CPQ: variants seen among roughly 807,000 people sequenced by gnomAD.
CPQ encodes the protein Ser-Met dipeptidase.
CPQ carries 37 observed loss-of-function variants against 45.7 expected under a neutral mutation model. That is an observed-to-expected ratio of 0.81 (90% confidence interval 0.62 to 1.07). CPQ has a LOEUF of 1.07. Ranked by LOEUF, CPQ falls within the 50% of genes least tolerant of loss-of-function variation. The probability of loss-of-function intolerance (pLI) is 0.00; values close to 1 mark genes in which losing one functional copy is unlikely to be tolerated. For synonymous variants in CPQ, 186 were observed against 205.8 expected, an observed-to-expected ratio of 0.90 and a Z score of 0.82; for missense variants, 537 against 572.9, an observed-to-expected ratio of 0.94 and a Z score of 0.64.
At chr8:96,710,888 G>T (rs966844082) in intron 1 of CPQ, among the ~76,000 whole-genome samples, 1 of 151,990 alleles carries the variant, frequency 6.6e-6, no homozygotes, top group African/African-American at 2.4e-5. Context: ...GATTAAGTCC[G>T]GTGTTTCTTT....
Position 96,795,070 on chromosome 8 carries a change from T to G in CPQ, c.433+9740T>G, listed in dbSNP as rs368601533. 1.6e-4 allele frequency among the ~76,000 whole-genome samples: 25 copies of G among 152,306 alleles called. No individual in the cohort carries two copies. The East Asian group carries it at 2.5e-3, about 15-fold the overall frequency. ...ACCCAGTTCCAAAGTTGCTTCCACA[T>G]TTTTGGGTATCTTTTCAGCAGCGCC... is the stretch of plus-strand genomic sequence containing the variant. On this transcript the variant is annotated intron_variant, in intron 2 of 7. Transcript: ENST00000220763.
At chr8:96,670,720 A>C (rs1220225810) in intron 1 of CPQ, among the ~76,000 whole-genome samples, 1 of 152,228 alleles carries the variant, frequency 6.6e-6, no homozygotes, top group Non-Finnish European at 1.5e-5. Context: ...TTATTTATAT[A>C]GGCAATGACC....
At chr8:96,873,287 C>G (rs1006194387) in intron 3 of CPQ, among the ~76,000 whole-genome samples, 1 of 151,666 alleles carries the variant, frequency 6.6e-6, no homozygotes, top group Non-Finnish European at 1.5e-5. Context: ...GTCCCATCTC[C>G]TCTCTCTTGA....
chr8:96,999,477 G>A (rs572095348), intron 5 of CPQ, among the ~76,000 whole-genome samples: 2 of 151,936 alleles, frequency 1.3e-5, no homozygotes, highest in Non-Finnish European at 2.9e-5. Flanking sequence ...ACTTATAAGT[G>A]AGAAGATGTA....
intron 4 of CPQ, among the ~76,000 whole-genome samples, chr8:96,928,667 C>T (rs528567533): frequency 4.6e-5 from 7 of 152,098 alleles, no homozygotes; most frequent in African/African-American, 7.2e-5. Context: ...CTGCAGCCAC[C>T]GGGCTGTGCT....
intron 2 of CPQ, among the ~76,000 whole-genome samples, chr8:96,824,702 G>A (rs1221811089): frequency 2.0e-5 from 3 of 151,980 alleles, no homozygotes; most frequent in East Asian, 3.9e-4. Flanking sequence ...CATAGCGTAT[G>A]TGCCTAAGTT....
chr8:96,888,846 C>A (rs1401346507), intron 4 of CPQ, among the ~76,000 whole-genome samples: 1 of 152,088 alleles, frequency 6.6e-6, no homozygotes, highest in Non-Finnish European at 1.5e-5. Context: ...TTATTATATT[C>A]TTTTTAAATT....
In CPQ at chr8:96,854,557, A is replaced by AC. The variant is rs538425270; in HGVS notation, c.641+19377_641+19378insC. On this transcript the variant is annotated intron_variant, in intron 3 of 7. Transcript: ENST00000220763. ...AAAAAAAAAAAAAAAAAAAAAAAAA[A>AC]AATGTGGTGGAACTAAAAGCCCAGT... is the stretch of plus-strand genomic sequence containing the variant. Among the ~76,000 whole-genome samples the AC allele has an allele frequency of 1.3e-3, 98 of 76,886 alleles. 17 individuals are homozygous for AC. Among genetic ancestry groups the AC allele is most frequent in the Admixed American group, 9.5e-3 (66 of 6,932 alleles). The allele number at this position is 76,886 out of a possible 152,430, so 50.4% of individuals were successfully genotyped here.
At chr8:96,837,831 T>C (rs1256511670) in intron 3 of CPQ, among the ~76,000 whole-genome samples, 1 of 152,216 alleles carries the variant, frequency 6.6e-6, no homozygotes, top group Non-Finnish European at 1.5e-5. Flanking sequence ...TATTGCTTTT[T>C]TCTCTTTCTG....
intron 5 of CPQ, among the ~76,000 whole-genome samples, chr8:96,997,388 G>A (rs1809195973): frequency 6.6e-6 from 1 of 151,942 alleles, no homozygotes; most frequent in South Asian, 2.1e-4. Flanking sequence ...TTTGCTGACT[G>A]TGTAACATAG....
chr8:97,122,936 TAAAATA>T (rs1563586786), intron 7 of CPQ, among the ~76,000 whole-genome samples: 1,783 of 43,098 alleles, frequency 0.041, 80 homozygotes, highest in Non-Finnish European at 0.048. Flanking sequence ...ATAAATAAAA[TAAAATA>T]AAATAAAATA....
chr8:96,965,801 A>G (rs1813546676), intron 4 of CPQ, 134 bp from the exon 5 acceptor site: 1 of 556,342 alleles, frequency 1.8e-6, no homozygotes, highest in Admixed American at 3.6e-5. Flanking sequence ...ATAATGACAC[A>G]TATCTTTAAA....
chr8:96,845,220 C>A (rs1811668037), intron 3 of CPQ, among the ~76,000 whole-genome samples: 1 of 152,146 alleles, frequency 6.6e-6, no homozygotes, highest in Non-Finnish European at 1.5e-5. Context: ...TGCACAGAAT[C>A]CTAATTATAT....
chr8:96,783,626 T>C (rs1810720396), intron 1 of CPQ, among the ~76,000 whole-genome samples: 1 of 152,128 alleles, frequency 6.6e-6, no homozygotes, highest in Non-Finnish European at 1.5e-5. Context: ...ATTCAAACAA[T>C]AGCAGACATA....
intron 7 of CPQ, chr8:97,132,943 G>T (rs572381212): frequency 6.6e-6 from 1 of 152,274 alleles, no homozygotes; most frequent in Admixed American, 6.5e-5. Context: ...ATAAACACGA[G>T]TACAATTCAA....
chr8:96,784,732 G>T, intron 1 of CPQ, 132 bp from the exon 2 acceptor site: 1 of 645,734 alleles, frequency 1.5e-6, no homozygotes. Context: ...AACAGTGCCT[G>T]AATTTGATGG....
intron 4 of CPQ, among the ~76,000 whole-genome samples, chr8:96,930,374 A>G (rs892889914): frequency 3.3e-5 from 5 of 152,228 alleles, no homozygotes; most frequent in African/African-American, 7.2e-5. Context: ...TAGAGCATTT[A>G]TCTCACTTGG....
chr8:96,834,868 G>GA (rs1586419637), intron 2 of CPQ, 105 bp from the exon 3 acceptor site: 1 of 968,220 alleles, frequency 1.0e-6, no homozygotes, highest in East Asian at 2.7e-5. Context: ...TCTTATACCA[G>GA]TTTGCCAGAT....
intron 1 of CPQ, among the ~76,000 whole-genome samples, chr8:96,680,932 G>A (rs545808151): frequency 1.4e-4 from 21 of 152,082 alleles, no homozygotes; most frequent in Admixed American, 3.9e-4. Context: ...GCCCCTGCCC[G>A]AGAGATCTGT....
Sources: allele counts gnomAD v4.1 joint callset (sites outside exome capture counted in the v4.1 genomes callset), GRCh38; gene constraint gnomAD v4.1.1; transcripts MANE v1.5; gene names NCBI Gene and HGNC (gene_info 2026-07-23, HGNC 2026-07-21).